ADCY7: variants seen among roughly 807,000 people sequenced by gnomAD.
ADCY7 encodes adenylate cyclase 7.
ADCY7 carries 72 observed loss-of-function variants against 120.6 expected under a neutral mutation model. The ratio of observed to expected loss-of-function variants is 0.60; its 90% CI spans 0.49 to 0.73. The LOEUF is 0.73. Among genes scored for constraint, ADCY7 ranks in the 30% least tolerant of loss-of-function variants. The probability of loss-of-function intolerance (pLI) is 0.00; values close to 1 mark genes in which losing one functional copy is unlikely to be tolerated. For synonymous variants in ADCY7, 661 were observed against 628.0 expected (o/e 1.05, Z -0.78); for missense variants, 1,227 against 1,486.0 (o/e 0.83, Z 2.87).
At chr16:50,273,125 G>A (rs866996611) in intron 1 of ADCY7, among the ~76,000 whole-genome samples, 1 of 152,212 alleles carries the variant, frequency 6.6e-6, no homozygotes, top group Non-Finnish European at 1.5e-5. Flanking sequence ...TCACCCTGGT[G>A]TCTGGAGCTG....
rs534885633 is a variant in ADCY7, at chr16:50,313,917, A to G, written c.2752-41A>G. ...AAGCAGGGGCAGCCTGGCTGCGGCT[A>G]TGGAGTGGCGGCTGCTTCACCGCTT... On this transcript the variant is annotated intron_variant, in intron 22 of 25. Coordinates refer to ENST00000673801, the MANE Select transcript of ADCY7 (RefSeq NM_001114.5). The G allele has an allele frequency of 2.6e-6, 4 of 1,556,042 alleles. No individual in the cohort carries two copies. In the South Asian group the frequency reaches 3.4e-5, roughly 13 times the overall value.
intron 5 of ADCY7, among the ~76,000 whole-genome samples, chr16:50,293,070 G>A (rs2035098042): frequency 6.6e-6 from 1 of 152,184 alleles, no homozygotes; most frequent in Admixed American, 6.5e-5. Flanking sequence ...AGGCCGTAGT[G>A]GCTCCAGGCT....
intron 2 of ADCY7, among the ~76,000 whole-genome samples, chr16:50,288,994 A>G (rs1282782254): frequency 6.6e-6 from 1 of 152,080 alleles, no homozygotes; most frequent in Non-Finnish European, 1.5e-5. Flanking sequence ...TGAAGTCTGG[A>G]GTGGTTTCAG....
At chr16:50,263,642 C>A (rs1480418038), upstream of ADCY7, among the ~76,000 whole-genome samples, 2 of 152,050 alleles carry the variant, frequency 1.3e-5, no homozygotes, top group East Asian at 1.9e-4. Context: ...CAGTGGGGAA[C>A]CCCCCTCCTG....
At chr16:50,306,181 G>A (rs753495944) in intron 14 of ADCY7, among the ~76,000 whole-genome samples, 14 of 152,226 alleles carry the variant, frequency 9.2e-5, no homozygotes, top group Non-Finnish European at 2.1e-4. Flanking sequence ...GCAATGAGAC[G>A]AGAACCCAAA....
In ADCY7 at chr16:50,293,570, G is replaced by C. The variant is rs536774192; in HGVS notation, c.836+68G>C. On this transcript the variant is annotated intron_variant, in intron 6 of 25. Coordinates refer to ENST00000673801, the MANE Select transcript of ADCY7 (RefSeq NM_001114.5). Reference sequence around the variant, plus strand: ...CCCACCGTTCCACCGGCCCCCAGGCGGCCTCCCCGCCCTATCTGGAGGCTC... The same window carrying C: ...CCCACCGTTCCACCGGCCCCCAGGCCGCCTCCCCGCCCTATCTGGAGGCTC... The C allele has an allele frequency of 5.1e-6, 8 of 1,557,486 alleles. No homozygotes were observed. The Admixed American group carries it at 1.5e-4, about 29-fold the overall frequency.
In ADCY7 at chr16:50,247,870, T is replaced by C. The variant is rs2032638703; in HGVS notation, c.-64+1667T>C. 2.0e-5 allele frequency among the ~76,000 whole-genome samples: 3 copies of C among 152,154 alleles called. No homozygotes were observed. In the South Asian group the frequency reaches 6.2e-4, roughly 32 times the overall value. ...CAGCCACACAGGCCCTAAGTGCCCT[T>C]GGGCTTAAAAGAGTGGGTACTTTTG... On this transcript the variant is annotated intron_variant, in intron 1 of 4. Transcript: ENST00000564044.
intron 7 of ADCY7, among the ~76,000 whole-genome samples, chr16:50,295,264 G>A (rs947600167): frequency 2.0e-5 from 3 of 151,100 alleles, no homozygotes; most frequent in African/African-American, 4.9e-5. Context: ...CTGCAGCCTC[G>A]ACCTGCCAGG....
rs550542596 is a variant in ADCY7 at position 50,280,111 on chromosome 16, T to G, written c.-268-7801T>G. On this transcript the variant is annotated intron_variant, in intron 1 of 25. Coordinates refer to ENST00000673801, the MANE Select transcript of ADCY7 (RefSeq NM_001114.5). ...GTAGGCTATTTATTACTAATTCAATTTAGGAGCTCATTATTGATCTGTTCA... is the reference window on the plus strand; with the variant it reads ...GTAGGCTATTTATTACTAATTCAATGTAGGAGCTCATTATTGATCTGTTCA... Among the ~76,000 whole-genome samples, 29 of 152,298 alleles carry G rather than the reference T, an allele frequency of 1.9e-4. No individual in the cohort carries two copies. The East Asian group carries it at 5.6e-3, about 29-fold the overall frequency.
chr16:50,307,302 T>C, intron 15 of ADCY7, among the ~76,000 whole-genome samples, 155 bp downstream of exon 15: 1 of 152,200 alleles, frequency 6.6e-6, no homozygotes, highest in African/African-American at 2.4e-5. Context: ...ACACCTTGAG[T>C]TACCAACACT....
intron 8 of ADCY7, 128 bp downstream of exon 8, chr16:50,299,159 A>G (rs2035551568): frequency 7.7e-7 from 1 of 1,293,414 alleles, no homozygotes; most frequent in Non-Finnish European, 1.0e-6. Flanking sequence ...GGGTGAAAGC[A>G]GCTTGCCTGG....
chr16:50,305,751 C>T, intron 13 of ADCY7, 26 bp from the exon 14 acceptor site: 7 of 1,608,342 alleles, frequency 4.4e-6, no homozygotes, highest in Non-Finnish European at 6.0e-6. Flanking sequence ...CAGCCCCCAT[C>T]TCACCGCAGC....
intron 1 of ADCY7, among the ~76,000 whole-genome samples, chr16:50,280,374 C>CAAAA (rs35353793): frequency 2.2e-4 from 30 of 135,642 alleles, no homozygotes; most frequent in African/African-American, 7.5e-4. Flanking sequence ...TTAATTTTTT[C>CAAAA]AAAAAAAAAA....
chr16:50,292,918 G>A (rs368160177), intron 5 of ADCY7, 93 bp downstream of exon 5: 5 of 1,497,890 alleles, frequency 3.3e-6, no homozygotes, highest in East Asian at 4.5e-5. Flanking sequence ...TGTGCATGAG[G>A]TGCATGGCCA....
intron 1 of ADCY7, among the ~76,000 whole-genome samples, chr16:50,260,891 G>A (rs767653438): frequency 2.0e-5 from 3 of 152,218 alleles, no homozygotes; most frequent in Non-Finnish European, 2.9e-5. Flanking sequence ...GATCTCAGAA[G>A]CCGCATATTG....
Position 50,308,366 on chromosome 16 carries a change from T to C in ADCY7, c.1890T>C (p.Cys630=), listed in dbSNP as rs199537732. The C allele has an allele frequency of 1.2e-6, 2 of 1,614,038 alleles. No homozygotes were observed. The highest frequency in any genetic ancestry group is 1.7e-5 in the Admixed American group (1 of 60,010). Residue 630 remains cysteine, a synonymous_variant, in exon 16 of 26, where the codon TGT becomes TGC. Coordinates refer to ENST00000673801, the MANE Select transcript of ADCY7 (RefSeq NM_001114.5). Reference sequence around the variant, plus strand: ...GTGTGTCCTTCGGGCTGGTGGCCTGTGTACTGGGGCTGGTGCTGGGCCTGT... The same window carrying C: ...GTGTGTCCTTCGGGCTGGTGGCCTGCGTACTGGGGCTGGTGCTGGGCCTGT... ...ALGVSFGLVA[C]VLGLVLGLCF...
chr16:50,310,769 T>C lies in ADCY7; in HGVS notation c.2243T>C (p.Leu748Pro), dbSNP rs779603876. ...AGCCTGGAGCCAAAGGTTGTGCTGC[T>C]GACAGTGGCCCTGGTGGCCTACCTG... ...RMSLEPKVVL[L>P]TVALVAYLVL... Residue 748 changes from leucine (L) to proline (P), a missense_variant, in exon 19 of 26, where the codon CTG becomes CCG. By Grantham distance (98) the Leu-to-Pro change is moderately conservative. Coordinates refer to ENST00000673801, the MANE Select transcript of ADCY7 (RefSeq NM_001114.5). The C allele has an allele frequency of 6.2e-7, 1 of 1,614,184 alleles. No homozygotes were observed. Among genetic ancestry groups the C allele is most frequent in the East Asian group, 2.2e-5 (1 of 44,882 alleles).
At chr16:50,244,743 G>A (rs1044474879), upstream of ADCY7, among the ~76,000 whole-genome samples, 2 of 152,226 alleles carry the variant, frequency 1.3e-5, no homozygotes, top group African/African-American at 2.4e-5. Flanking sequence ...GGCCCCAGCT[G>A]CTCAGATCTT....
intron 12 of ADCY7, 21 bp downstream of exon 12, chr16:50,304,980 G>A (rs767918478): frequency 1.2e-5 from 19 of 1,612,632 alleles, no homozygotes; most frequent in South Asian, 4.4e-5. Context: ...TGCCCTCCTG[G>A]CCAAGTCCTG....
Sources: allele counts gnomAD v4.1 joint callset (sites outside exome capture counted in the v4.1 genomes callset), GRCh38; gene constraint gnomAD v4.1.1; transcripts MANE v1.5; gene names NCBI Gene and HGNC (gene_info 2026-07-23, HGNC 2026-07-21).